NELL2: variants seen among roughly 807,000 people sequenced by gnomAD.
NELL2 encodes protein kinase C-binding protein NELL2.
In NELL2, 41 loss-of-function variants were observed where a neutral mutation model predicts 109.6. The observed-to-expected ratio is 0.37, with a 90% CI of 0.29 to 0.49. The LOEUF (loss-of-function observed/expected upper bound fraction) is 0.49, where lower values mean the gene tolerates loss of function less well. Among genes scored for constraint, NELL2 ranks in the 20% least tolerant of loss-of-function variants. The probability of loss-of-function intolerance (pLI) is 0.98; values close to 1 mark genes in which losing one functional copy is unlikely to be tolerated. For missense variants in NELL2, 900 were observed against 1,008.3 expected (o/e 0.89, Z 1.45); for synonymous variants, 355 against 344.7 (o/e 1.03, Z -0.33).
chr12:44,916,943 C>T (rs1945833321), upstream of NELL2, among the ~76,000 whole-genome samples: 1 of 152,124 alleles, frequency 6.6e-6, no homozygotes, highest in Admixed American at 6.5e-5. Context: ...CTTCAAATAT[C>T]CTTTCAACCT....
intron 15 of NELL2, among the ~76,000 whole-genome samples, chr12:44,601,458 A>C (rs1002512572): frequency 6.6e-6 from 1 of 152,192 alleles, no homozygotes; most frequent in Non-Finnish European, 1.5e-5. Context: ...AAATGTACAG[A>C]ATGCAAATCA....
chr12:44,518,439 G>C (rs988952812), intron 19 of NELL2, among the ~76,000 whole-genome samples: 2 of 152,088 alleles, frequency 1.3e-5, no homozygotes, highest in East Asian at 3.9e-4. Flanking sequence ...TAGAGACGGG[G>C]TTTCACCGTG....
In NELL2 at chr12:44,795,481, T is replaced by C. The variant is rs116432214; in HGVS notation, c.336-15459A>G. 2.9e-3 allele frequency among the ~76,000 whole-genome samples: 436 copies of C among 152,272 alleles called. 3 individuals are homozygous for C. Among genetic ancestry groups the C allele is most frequent in the Middle Eastern group, 0.01 (3 of 294 alleles). ...GATAATCCACACTAAGCAAGATGCC[T>C]GAAACATAGCAAGCACTCAGTAAAT... On this transcript the variant is annotated intron_variant, in intron 3 of 19. Transcript: ENST00000429094.
chr12:44,707,677 A>G (rs1395535507), intron 11 of NELL2, among the ~76,000 whole-genome samples: 1 of 152,164 alleles, frequency 6.6e-6, no homozygotes, highest in East Asian at 1.9e-4. Context: ...ATACCAACGG[A>G]TTTCTTTTAA....
intron 18 of NELL2, among the ~76,000 whole-genome samples, chr12:44,520,656 C>T (rs540004800): frequency 6.6e-6 from 1 of 151,860 alleles, no homozygotes; most frequent in Non-Finnish European, 1.5e-5. Flanking sequence ...TGTCCATTTA[C>T]AAGAAAATAA....
chr12:44,543,830 C>A (rs760064682), intron 15 of NELL2, among the ~76,000 whole-genome samples: 1 of 152,140 alleles, frequency 6.6e-6, no homozygotes, highest in Non-Finnish European at 1.5e-5. Flanking sequence ...CCTCGAGGAT[C>A]TTCACTTTCC....
intron 9 of NELL2, among the ~76,000 whole-genome samples, chr12:44,767,726 G>A: frequency 6.6e-6 from 1 of 151,942 alleles, no homozygotes; most frequent in East Asian, 1.9e-4. Flanking sequence ...TCCAATATAT[G>A]TTATTAACAA....
chr12:44,726,742 A>G (rs1939102817), intron 9 of NELL2, among the ~76,000 whole-genome samples: 1 of 152,154 alleles, frequency 6.6e-6, no homozygotes, highest in African/African-American at 2.4e-5. Context: ...CTTTTTTAGT[A>G]ATTTTAGTTT....
chr12:44,776,784 A>T (rs888913912), intron 7 of NELL2, among the ~76,000 whole-genome samples: 2 of 152,170 alleles, frequency 1.3e-5, no homozygotes, highest in Non-Finnish European at 2.9e-5. Context: ...TAAAAGCTAA[A>T]CAATAAATCC....
rs1189327686 is a variant in NELL2, at chr12:44,601,038, T to C, written c.1663+6131A>G. On this transcript the variant is annotated intron_variant, in intron 15 of 19. Transcript: ENST00000429094. ...CAAGTTAATATACAAAAATGATCTA[T>C]TGAAAAAAATAATATTTTTAAAATA... Among the ~76,000 whole-genome samples, 4 of 152,248 alleles carry C rather than the reference T, an allele frequency of 2.6e-5. No homozygotes were observed. In the East Asian group the frequency reaches 7.7e-4, roughly 29 times the overall value.
intron 2 of NELL2, among the ~76,000 whole-genome samples, chr12:44,834,660 C>T (rs1204054684): frequency 1.3e-5 from 2 of 152,152 alleles, no homozygotes; most frequent in Non-Finnish European, 1.5e-5. Context: ...GCCTGCCCTA[C>T]TCGAAGTGTG....
chr12:44,881,717 T>G (rs1312261474), intron 1 of NELL2: 1 of 151,966 alleles, frequency 6.6e-6, no homozygotes, highest in East Asian at 1.9e-4. Flanking sequence ...ATTTTGTTGT[T>G]GTTGTTAATC....
intron 14 of NELL2, among the ~76,000 whole-genome samples, chr12:44,609,326 C>T (rs1047751903): frequency 2.0e-5 from 3 of 151,950 alleles, no homozygotes; most frequent in African/African-American, 7.3e-5. Context: ...TACTAAGTGA[C>T]TAATGGTGGC....
intron 10 of NELL2, among the ~76,000 whole-genome samples, chr12:44,712,960 C>T (rs1938287692): frequency 1.3e-5 from 2 of 151,698 alleles, no homozygotes; most frequent in African/African-American, 4.8e-5. Context: ...GAAAATGGTG[C>T]CTTTTGTTTG....
At chr12:44,713,637 T>C (rs1200692363) in intron 10 of NELL2, among the ~76,000 whole-genome samples, 2 of 151,978 alleles carry the variant, frequency 1.3e-5, no homozygotes, top group African/African-American at 2.4e-5. Context: ...ATAATGGGCA[T>C]GAAGAAATCA....
At chr12:44,650,337 A>G (rs1214373576) in intron 13 of NELL2, among the ~76,000 whole-genome samples, 1 of 151,232 alleles carries the variant, frequency 6.6e-6, no homozygotes, top group African/African-American at 2.4e-5. Flanking sequence ...TCAAAAAAAA[A>G]GACTAGAGTG....
chr12:44,764,895 G>A (rs1189397807), intron 9 of NELL2, among the ~76,000 whole-genome samples: 1 of 151,530 alleles, frequency 6.6e-6, no homozygotes, highest in African/African-American at 2.4e-5. Context: ...GGACAGTCAG[G>A]GATGCACACC....
intron 3 of NELL2, among the ~76,000 whole-genome samples, chr12:44,814,301 A>G (rs1036863285): frequency 1.3e-5 from 2 of 152,210 alleles, no homozygotes; most frequent in East Asian, 1.9e-4. Flanking sequence ...AGAAAGTCAC[A>G]GGGAAGCAAA....
rs1937659663 is a variant in NELL2 at position 44,703,336 on chromosome 12, G to T, written c.1318+390C>A. ...TAGTAGCAAACAGAAATAGCAGTAG[G>T]CACTTTATCTTCCTGTTAAGTGATT... On this transcript the variant is annotated intron_variant, in intron 12 of 19. Coordinates refer to ENST00000429094, the MANE Select transcript of NELL2 (RefSeq NM_001145108.2). 2.0e-5 allele frequency among the ~76,000 whole-genome samples: 3 copies of T among 152,082 alleles called. No individual in the cohort carries two copies. In the South Asian group the frequency reaches 6.2e-4, roughly 31 times the overall value.
Sources: gnomAD v4.1 joint callset for allele counts (sites outside exome capture counted in the v4.1 genomes callset) on GRCh38, gnomAD v4.1.1 for gene constraint, MANE v1.5 for transcripts, NCBI Gene and HGNC (gene_info 2026-07-23, HGNC 2026-07-21) for gene names.